RNF180: variants seen among roughly 807,000 people sequenced by gnomAD.
RNF180 encodes ring finger protein 180, also known as E3 ubiquitin-protein ligase RNF180.
RNF180 carries 38 observed loss-of-function variants against 59.2 expected under a neutral mutation model. The ratio of observed to expected loss-of-function variants is 0.64; its 90% CI spans 0.50 to 0.84. RNF180 has a LOEUF of 0.84. RNF180 is among the 40% of genes least tolerant of loss of function. The pLI is 0.00. For synonymous variants in RNF180, 262 were observed against 240.3 expected (o/e 1.09, Z -0.84); for missense variants, 705 against 700.9 (o/e 1.01, Z -0.07).
chr5:64,236,941 G>A (rs1742479317), intron 5 of RNF180, among the ~76,000 whole-genome samples: 1 of 152,172 alleles, frequency 6.6e-6, no homozygotes, highest in Admixed American at 6.5e-5. Context: ...ATATGGAAAT[G>A]CCTGGATGTC....
intron 7 of RNF180, among the ~76,000 whole-genome samples, chr5:64,364,916 A>G (rs1227009595): frequency 6.7e-6 from 1 of 150,074 alleles, no homozygotes; most frequent in Non-Finnish European, 1.5e-5. Context: ...GTGGTGTAAT[A>G]TCCCCTTTGT....
At chr5:64,309,708 GT>G (rs1382762418) in intron 5 of RNF180, among the ~76,000 whole-genome samples, 1 of 151,192 alleles carries the variant, frequency 6.6e-6, no homozygotes, top group East Asian at 1.9e-4. Context: ...ATTTATACCT[GT>G]TTATAGGTTC....
At chr5:64,176,007 T>C (rs1447394920) in intron 1 of RNF180, among the ~76,000 whole-genome samples, 1 of 152,100 alleles carries the variant, frequency 6.6e-6, no homozygotes, top group African/African-American at 2.4e-5. Flanking sequence ...TTTGGTGGAG[T>C]CTTTAGGATT....
intron 5 of RNF180, among the ~76,000 whole-genome samples, chr5:64,231,164 C>T (rs1742079706): frequency 6.6e-6 from 1 of 152,198 alleles, no homozygotes; most frequent in Admixed American, 6.5e-5. Context: ...ACAGTGTTGC[C>T]TGGAGCCAAT....
intron 1 of RNF180, among the ~76,000 whole-genome samples, chr5:64,188,339 T>G (rs970137648): frequency 2.0e-5 from 3 of 152,088 alleles, no homozygotes; most frequent in Admixed American, 2.0e-4. Flanking sequence ...ACTTACAGTA[T>G]ACAACCTTTA....
At chr5:64,288,812 G>C (rs181365866) in intron 5 of RNF180, among the ~76,000 whole-genome samples, 22 of 152,246 alleles carry the variant, frequency 1.4e-4, no homozygotes, top group African/African-American at 5.3e-4. Context: ...GGGTTTTCTA[G>C]ATATAGGATC....
chr5:64,290,307 A>G (rs1296642880), intron 5 of RNF180, among the ~76,000 whole-genome samples: 8 of 152,222 alleles, frequency 5.3e-5, no homozygotes, highest in Non-Finnish European at 1.2e-4. Flanking sequence ...TATTTGATCA[A>G]TTTTAGAGTA....
chr5:64,254,948 TAGA>T (rs1003056903), intron 5 of RNF180, among the ~76,000 whole-genome samples: 1 of 152,168 alleles, frequency 6.6e-6, no homozygotes, highest in African/African-American at 2.4e-5. Context: ...CCCATTTTCT[TAGA>T]AGAACAACCT....
chr5:64,298,817 A>G (rs982926859), intron 5 of RNF180, among the ~76,000 whole-genome samples: 2 of 152,046 alleles, frequency 1.3e-5, no homozygotes, highest in African/African-American at 4.8e-5. Context: ...TGCAGTGCAG[A>G]GACAACTTTA....
chr5:64,278,836 TCTCAAACTCCTGGC>T (rs2112380589), intron 5 of RNF180, among the ~76,000 whole-genome samples: 1 of 152,254 alleles, frequency 6.6e-6, no homozygotes, highest in East Asian at 1.9e-4. Flanking sequence ...CCTAGGCTGG[TCTCAAACTCCTGGC>T]CTCAAACTGT....
chr5:64,293,111 T>C (rs1742694403), intron 5 of RNF180, among the ~76,000 whole-genome samples: 1 of 152,164 alleles, frequency 6.6e-6, no homozygotes, highest in African/African-American at 2.4e-5. Flanking sequence ...GGTCTTAACT[T>C]GTGAGGGGAG....
intron 5 of RNF180, among the ~76,000 whole-genome samples, chr5:64,299,069 G>A (rs1743034709): frequency 1.3e-5 from 2 of 151,910 alleles, no homozygotes; most frequent in South Asian, 4.1e-4. Context: ...CAGAATTAGT[G>A]TCTTTTAATG....
intron 5 of RNF180, among the ~76,000 whole-genome samples, chr5:64,281,384 T>C (rs1015140129): frequency 2.6e-5 from 4 of 152,264 alleles, no homozygotes; most frequent in Non-Finnish European, 5.9e-5. Context: ...ATTCCAGTTC[T>C]TAAGCAGAAT....
chr5:64,263,863 G>T (rs879575652), intron 5 of RNF180, among the ~76,000 whole-genome samples: 2 of 151,928 alleles, frequency 1.3e-5, no homozygotes, highest in African/African-American at 2.4e-5. Context: ...GTTTAGTCTT[G>T]TCTATTTTTG....
intron 5 of RNF180, among the ~76,000 whole-genome samples, chr5:64,271,035 A>T (rs541289515): frequency 6.6e-6 from 1 of 152,196 alleles, no homozygotes; most frequent in South Asian, 2.1e-4. Context: ...AGAATAAAAT[A>T]CTTGATTTGA....
intron 1 of RNF180, among the ~76,000 whole-genome samples, chr5:64,184,679 C>G: frequency 6.6e-6 from 1 of 152,076 alleles, no homozygotes; most frequent in East Asian, 1.9e-4. Context: ...TTAGGGTGAG[C>G]CAAAGACTTC....
At chr5:64,247,319 A>T (rs909654684) in intron 5 of RNF180, among the ~76,000 whole-genome samples, 2 of 152,192 alleles carry the variant, frequency 1.3e-5, no homozygotes, top group African/African-American at 4.8e-5. Flanking sequence ...GAGGAAGTCA[A>T]ATTGTCTCTG....
At chr5:64,267,502 C>A (rs1280941847) in intron 5 of RNF180, among the ~76,000 whole-genome samples, 1 of 151,340 alleles carries the variant, frequency 6.6e-6, no homozygotes, top group East Asian at 1.9e-4. Flanking sequence ...TCCCTCCCCA[C>A]TCCCCCCACC....
At chr5:64,254,768 A>G (rs956206192) in intron 5 of RNF180, among the ~76,000 whole-genome samples, 2 of 152,192 alleles carry the variant, frequency 1.3e-5, no homozygotes, top group African/African-American at 4.8e-5. Flanking sequence ...AAGGAAATGT[A>G]TAGAACAACA....
Sources: allele counts gnomAD v4.1 joint callset (sites outside exome capture counted in the v4.1 genomes callset), GRCh38; gene constraint gnomAD v4.1.1; transcripts MANE v1.5; gene names NCBI Gene and HGNC (gene_info 2026-07-23, HGNC 2026-07-21).